AIG1: variants seen among roughly 807,000 people sequenced by gnomAD.
AIG1 encodes the protein androgen induced 1.
In AIG1, 23 loss-of-function variants were observed where a neutral mutation model predicts 31.4. The ratio of observed to expected loss-of-function variants is 0.73; its 90% CI spans 0.53 to 1.04. The LOEUF (loss-of-function observed/expected upper bound fraction) is 1.04. Ranked by LOEUF, AIG1 falls within the 50% of genes least tolerant of loss-of-function variation. The probability of loss-of-function intolerance (pLI) is 0.00; values close to 1 mark genes in which losing one functional copy is unlikely to be tolerated. For missense variants in AIG1, 274 were observed against 295.0 expected, an observed-to-expected ratio of 0.93 and a Z score of 0.52; for synonymous variants, 100 against 110.5, an observed-to-expected ratio of 0.90 and a Z score of 0.60.
chr6:143,301,214 G>A (rs931723260), intron 4 of AIG1, among the ~76,000 whole-genome samples: 7 of 152,258 alleles, frequency 4.6e-5, no homozygotes, highest in African/African-American at 7.2e-5. Context: ...ATGCTGCCTC[G>A]GATTGCAATG....
At chr6:143,178,477 G>A (rs1788398375) in intron 3 of AIG1, among the ~76,000 whole-genome samples, 1 of 152,198 alleles carries the variant, frequency 6.6e-6, no homozygotes, top group African/African-American at 2.4e-5. Flanking sequence ...AGGGCTGGGG[G>A]CTCTCCTCTT....
Position 143,333,829 on chromosome 6 carries a change from A to G in AIG1, c.679+384A>G, listed in dbSNP as rs961686958. Reference sequence around the variant, plus strand: ...ATAGATACATTATTAAATGTAACCAATCTCCTTTAAAGTCACCCAGATCTC... The same window carrying G: ...ATAGATACATTATTAAATGTAACCAGTCTCCTTTAAAGTCACCCAGATCTC... On this transcript the variant is annotated intron_variant, in intron 5 of 5. Transcript: ENST00000357847. The surrounding 1 kb of genome is among the most constrained non-coding windows in gnomAD (Gnocchi z 4.6). Among the ~76,000 whole-genome samples, 11 of 151,632 alleles carry G rather than the reference A, an allele frequency of 7.3e-5. No individual in the cohort carries two copies. Among genetic ancestry groups the G allele is most frequent in the African/African-American group, 2.7e-4 (11 of 41,228 alleles).
chr6:143,172,762 A>C (rs575996203), intron 3 of AIG1, among the ~76,000 whole-genome samples: 1 of 152,178 alleles, frequency 6.6e-6, no homozygotes, highest in East Asian at 1.9e-4. Context: ...TGGTCCATTT[A>C]GAGTTTCTAT....
At chr6:143,276,199 A>G (rs1254201486) in intron 3 of AIG1, among the ~76,000 whole-genome samples, 1 of 152,206 alleles carries the variant, frequency 6.6e-6, no homozygotes, top group East Asian at 1.9e-4. Flanking sequence ...GTTGCTCTTA[A>G]TTGCAACGAT....
At position 143,328,159 on chromosome 6, in the gene AIG1, A is replaced by C. The variant is rs182729633; in HGVS notation, c.516-5123A>C. On this transcript the variant is annotated intron_variant, in intron 4 of 5. Coordinates refer to ENST00000357847, the MANE Select transcript of AIG1 (RefSeq NM_016108.4). This position sits in a 1 kb window ranked among gnomAD's most constrained non-coding sequence, Gnocchi z 4.0. The stretch of plus-strand genomic sequence containing the variant: ...AAGTGGTAGGAGGAAAACCAAGAGA[A>C]ATTGATGTCAAAGAAACCAGTATCT... Among the ~76,000 whole-genome samples the C allele has an allele frequency of 6.6e-6, 1 of 152,310 alleles. No individual in the cohort carries two copies. The highest frequency in any genetic ancestry group is 6.5e-5 in the Admixed American group (1 of 15,284).
At chr6:143,255,011 C>T (rs1319352051) in intron 3 of AIG1, among the ~76,000 whole-genome samples, 2 of 152,120 alleles carry the variant, frequency 1.3e-5, no homozygotes, top group East Asian at 3.9e-4. Context: ...TGCACTCCAG[C>T]CTGAGTGACA....
intron 2 of AIG1, among the ~76,000 whole-genome samples, chr6:143,148,232 G>A (rs544908939): frequency 7.2e-5 from 11 of 151,804 alleles, no homozygotes; most frequent in South Asian, 2.1e-4. Flanking sequence ...TGGACATGGC[G>A]GCTCACACCT....
chr6:143,184,181 T>G (rs1348167811), intron 3 of AIG1, among the ~76,000 whole-genome samples: 3 of 152,210 alleles, frequency 2.0e-5, no homozygotes, highest in Non-Finnish European at 4.4e-5. Context: ...TGATGGAGCT[T>G]CAATAGCCAA....
At chr6:143,245,041 A>C (rs2128642620) in intron 3 of AIG1, among the ~76,000 whole-genome samples, 1 of 152,384 alleles carries the variant, frequency 6.6e-6, no homozygotes, top group South Asian at 2.1e-4. Flanking sequence ...AGCATCATTA[A>C]GGATCAGCAG....
chr6:143,080,091 TAGTC>T (rs1778086859), intron 1 of AIG1, among the ~76,000 whole-genome samples: 1 of 152,178 alleles, frequency 6.6e-6, no homozygotes, highest in African/African-American at 2.4e-5. Flanking sequence ...TAGGAATTCT[TAGTC>T]AGCCTAGGAA....
chr6:143,142,053 A>G (rs980837515), intron 2 of AIG1, among the ~76,000 whole-genome samples: 2 of 152,074 alleles, frequency 1.3e-5, no homozygotes, highest in Non-Finnish European at 1.5e-5. Context: ...ACAATTATTT[A>G]TATATTTTAT....
Position 143,328,718 on chromosome 6 carries a change from AG to A in AIG1, c.516-4562del, listed in dbSNP as rs1348846118. Among the ~76,000 whole-genome samples, 1 of 152,222 alleles carries A rather than the reference AG, an allele frequency of 6.6e-6. No individual in the cohort carries two copies. The highest frequency in any genetic ancestry group is 1.5e-5 in the Non-Finnish European group (1 of 68,040). Reference sequence around the variant, plus strand: ...GTGAGTAACAAAGCACTCAGATAGGAGGCATGAATAAATGTTATTTTTTTAA... The same window carrying A: ...GTGAGTAACAAAGCACTCAGATAGGAGCATGAATAAATGTTATTTTTTTAA... On this transcript the variant is annotated intron_variant, in intron 4 of 5. Transcript: ENST00000357847. This position sits in a 1 kb window ranked among gnomAD's most constrained non-coding sequence, Gnocchi z 4.0.
chr6:143,244,815 A>G, intron 3 of AIG1, among the ~76,000 whole-genome samples: 1 of 152,212 alleles, frequency 6.6e-6, no homozygotes, highest in East Asian at 1.9e-4. Context: ...TGAAAAATGT[A>G]TAAATTCAGC....
chr6:143,269,052 C>A (rs922528768), intron 3 of AIG1, among the ~76,000 whole-genome samples: 1 of 150,282 alleles, frequency 6.7e-6, no homozygotes, highest in Non-Finnish European at 1.5e-5. Context: ...TGGGCTCAGG[C>A]CCTTGTTCAG....
At chr6:143,250,198 G>A (rs147182637) in intron 3 of AIG1, among the ~76,000 whole-genome samples, 115 of 152,304 alleles carry the variant, frequency 7.6e-4, no homozygotes, top group Middle Eastern at 6.8e-3. Context: ...GATCACTTGT[G>A]TCTTCTTTCC....
intron 3 of AIG1, among the ~76,000 whole-genome samples, chr6:143,224,730 A>G (rs1029578605): frequency 6.6e-6 from 1 of 152,106 alleles, no homozygotes; most frequent in Non-Finnish European, 1.5e-5. Flanking sequence ...CCTTCCTGTT[A>G]TAACAATGTT....
chr6:143,315,683 T>C (rs566133929), intron 4 of AIG1, among the ~76,000 whole-genome samples: 1 of 152,200 alleles, frequency 6.6e-6, no homozygotes. Flanking sequence ...AAATGGATCA[T>C]AGACTTAAAT....
intron 1 of AIG1, among the ~76,000 whole-genome samples, chr6:143,065,377 A>T (rs1776604276): frequency 6.6e-6 from 1 of 152,214 alleles, no homozygotes; most frequent in Admixed American, 6.5e-5. Context: ...CTTAATTGGA[A>T]ATAAGCTGGA....
chr6:143,083,752 G>A (rs1270943229), intron 1 of AIG1, among the ~76,000 whole-genome samples: 1 of 152,136 alleles, frequency 6.6e-6, no homozygotes, highest in East Asian at 1.9e-4. Context: ...AGGGAAAGGA[G>A]GCAGAATCCT....
Sources: allele counts gnomAD v4.1 joint callset (sites outside exome capture counted in the v4.1 genomes callset), GRCh38; gene constraint gnomAD v4.1.1; non-coding constraint Gnocchi (gnomAD v3.1); transcripts MANE v1.5; gene names NCBI Gene and HGNC (gene_info 2026-07-23, HGNC 2026-07-21).